The following NRDC variants were observed in gnomAD, a reference collection of about 807,000 sequenced individuals.
The protein encoded by NRDC is nardilysin convertase.
In NRDC, 54 loss-of-function variants were observed where a neutral mutation model predicts 147.1. That is an observed-to-expected ratio of 0.37 (90% confidence interval 0.29 to 0.46). The LOEUF (loss-of-function observed/expected upper bound fraction) is 0.46, where lower values mean the gene tolerates loss of function less well. Among genes scored for constraint, NRDC ranks in the 20% least tolerant of loss-of-function variants. The probability of loss-of-function intolerance (pLI) is 1.00; values close to 1 mark genes in which losing one functional copy is unlikely to be tolerated. For synonymous variants in NRDC, 440 were observed against 482.1 expected, an observed-to-expected ratio of 0.91 and a Z score of 1.14; for missense variants, 1,082 against 1,370.6, an observed-to-expected ratio of 0.79 and a Z score of 3.33.
In NRDC at chr1:51,858,695, C is replaced by T. The variant is rs553655220; in HGVS notation, c.342-18181G>A. Among the ~76,000 whole-genome samples the T allele has an allele frequency of 8.5e-5, 13 of 152,108 alleles. No homozygotes were observed. The East Asian group carries it at 2.5e-3, about 29-fold the overall frequency. ...AAGCACAGAGTACTGTTTTCTTTGC[C>T]CTATTCCTCAATGGGCTCCATCTAC... is the stretch of plus-strand genomic sequence containing the variant. On this transcript the variant is annotated intron_variant, in intron 1 of 30. Coordinates refer to ENST00000352171, the MANE Select transcript of NRDC (RefSeq NM_001101662.2).
rs750689908 is a variant in NRDC, at chr1:51,806,893, C to T, written c.2011G>A (p.Ala671Thr). The change falls in exon 18 of 31, where the codon GCT becomes ACT. Residue 671 changes from alanine to threonine, a missense_variant. Ala to Thr is a moderately conservative substitution (Grantham distance 58). Around this residue, in one of 3 missense-constraint regions of NRDC, gnomAD observed 635 missense variants for 923.8 expected, o/e 0.69. Coordinates refer to ENST00000352171, the MANE Select transcript of NRDC (RefSeq NM_001101662.2). ...KYIATDFTLK[A>T]FDCPETEYPV... ...TATTCTGTTTCCGGGCAATCGAAAG[C>T]CTTCAACGTAAAGTCCGTGGCTAAT... 6.2e-7 allele frequency: 1 copy of T among 1,613,700 alleles called. No individual in the cohort carries two copies.
rs1680207021 is a variant in NRDC at position 51,821,551 on chromosome 1, T to C, written c.1164A>G (p.Thr388=). The C allele has an allele frequency of 6.2e-7, 1 of 1,606,502 alleles. No homozygotes were observed. The highest frequency in any genetic ancestry group is 1.3e-5 in the African/African-American group (1 of 74,766). ...YMTLVVQSKE[T]LDTLEKWVTE... ...TCACCCACTTTTCCAAAGTATCCAG[T>C]GTTTCTTGAGAGGGGAGGGCAGGGA... The change falls in exon 8 of 31, where the codon ACA becomes ACG. Residue 388 remains threonine, a synonymous_variant. Coordinates refer to ENST00000352171, the MANE Select transcript of NRDC (RefSeq NM_001101662.2).
intron 1 of NRDC, among the ~76,000 whole-genome samples, chr1:51,864,693 T>C (rs1032097596): frequency 2.0e-5 from 3 of 152,106 alleles, no homozygotes; most frequent in African/African-American, 7.2e-5. Flanking sequence ...GGCTCACACC[T>C]ATAATCCCAG....
At chr1:51,816,233 G>C (rs369120725) in intron 11 of NRDC, 79 bp downstream of exon 11, 1 of 754,642 alleles carries the variant, frequency 1.3e-6, no homozygotes, top group Admixed American at 3.1e-5. Context: ...TAAAGTAAAA[G>C]AATGCATTAT....
At chr1:51,818,189 T>C (rs1680057529) in intron 9 of NRDC, 54 bp from the exon 10 acceptor site, 1 of 1,168,038 alleles carries the variant, frequency 8.6e-7, no homozygotes, top group African/African-American at 1.6e-5. Context: ...CTATGACTTT[T>C]ACTACAAGAA....
Position 51,814,795 on chromosome 1 carries a change from C to T in NRDC, c.1458G>A (p.Leu486=). Residue 486 remains leucine, a synonymous_variant, in exon 12 of 31, where the codon CTG becomes CTA. Transcript: ENST00000352171. ...FLRKKCWALA[L]FGGNGETGFE... is the part of the protein sequence containing the mutation. Reference sequence around the variant, plus strand: ...ATCCTGTCTCACCATTTCCACCAAACAGTGCAAGAGCCCAGCATCTACAGG... The same window carrying T: ...ATCCTGTCTCACCATTTCCACCAAATAGTGCAAGAGCCCAGCATCTACAGG... The T allele has an allele frequency of 6.2e-7, 1 of 1,606,306 alleles. No individual in the cohort carries two copies. Among genetic ancestry groups the T allele is most frequent in the South Asian group, 1.1e-5 (1 of 89,360 alleles).
At chr1:51,798,674 G>T in intron 21 of NRDC, 1 of 329,438 alleles carries the variant, frequency 3.0e-6, no homozygotes, top group South Asian at 5.3e-5. Context: ...TCACATAAAA[G>T]TAAAGCTGCC....
Position 51,827,884 on chromosome 1 carries a change from A to G in NRDC, c.867-15T>C. ...ACTGCGCCCATCTGAACAAAAAACA[A>G]AACTGGCATTTCCGTTTTTGTTCAC... is the stretch of plus-strand genomic sequence containing the variant. On this transcript the variant is annotated splice_polypyrimidine_tract_variant and intron_variant, in intron 4 of 30. Transcript: ENST00000352171. The G allele has an allele frequency of 6.2e-7, 1 of 1,611,726 alleles. No individual in the cohort carries two copies. Among genetic ancestry groups the G allele is most frequent in the Non-Finnish European group, 8.5e-7 (1 of 1,178,136 alleles).
chr1:51,869,898 G>A (rs1330462838), intron 1 of NRDC, among the ~76,000 whole-genome samples: 1 of 152,008 alleles, frequency 6.6e-6, no homozygotes, highest in African/African-American at 2.4e-5. Context: ...CTTTAAAACT[G>A]GCCAAAATAC....
intron 1 of NRDC, among the ~76,000 whole-genome samples, chr1:51,843,042 C>G (rs1288697945): frequency 1.1e-5 from 1 of 91,190 alleles, no homozygotes. Flanking sequence ...CCAGCCTGGG[C>G]AACAGAGCAA....
At chr1:51,868,219 G>A (rs904335765) in intron 1 of NRDC, among the ~76,000 whole-genome samples, 4 of 152,052 alleles carry the variant, frequency 2.6e-5, no homozygotes, top group Non-Finnish European at 4.4e-5. Flanking sequence ...ACAAAAATAT[G>A]AAATCGCTTG....
chr1:51,801,692 G>T (rs1571846387), intron 20 of NRDC, among the ~76,000 whole-genome samples: 1 of 152,234 alleles, frequency 6.6e-6, no homozygotes, highest in East Asian at 1.9e-4. Flanking sequence ...CAGAATAATA[G>T]AGATGATTGT....
intron 14 of NRDC, among the ~76,000 whole-genome samples, chr1:51,813,597 G>C (rs895405126): frequency 1.3e-5 from 2 of 152,144 alleles, no homozygotes. Flanking sequence ...TGCCCAGCCT[G>C]TGAGCCTATT....
intron 1 of NRDC, among the ~76,000 whole-genome samples, chr1:51,841,419 C>T (rs1681261328): frequency 6.6e-6 from 1 of 152,134 alleles, no homozygotes; most frequent in African/African-American, 2.4e-5. Context: ...GCAATCCTCC[C>T]ACCTCAGTCT....
chr1:51,870,814 GAC>G (rs1683048013), intron 1 of NRDC, among the ~76,000 whole-genome samples: 1 of 143,702 alleles, frequency 7.0e-6, no homozygotes, highest in Non-Finnish European at 1.6e-5. Context: ...TACTAATACT[GAC>G]AGTATTATTA....
At chr1:51,814,659 A>G (rs766347173) in intron 12 of NRDC, 34 bp downstream of exon 12, 1 of 1,606,168 alleles carries the variant, frequency 6.2e-7, no homozygotes. Context: ...ATATCTACGT[A>G]AAAGGAAAAA....
intron 19 of NRDC, 138 bp from the exon 20 acceptor site, chr1:51,804,102 C>CAG (rs1679339455): frequency 2.9e-6 from 2 of 695,872 alleles, no homozygotes; most frequent in Non-Finnish European, 4.5e-6. Flanking sequence ...GGTAATACAG[C>CAG]TTACTCAGGA....
In NRDC at chr1:51,843,766, T is replaced by C. The variant is rs1171028274; in HGVS notation, c.342-3252A>G. ...ATTTTCCAAGAATATGAACAATCTG[T>C]CCAGAAATAAATTCTAAGATGAATC... On this transcript the variant is annotated intron_variant, in intron 1 of 30. Transcript: ENST00000352171. 1.3e-5 allele frequency among the ~76,000 whole-genome samples: 2 copies of C among 151,854 alleles called. 1 individual carries two copies. Among genetic ancestry groups the C allele is most frequent in the East Asian group, 3.9e-4 (2 of 5,188 alleles).
chr1:51,817,694 A>AC (rs1680034429), intron 10 of NRDC, among the ~76,000 whole-genome samples: 1 of 152,190 alleles, frequency 6.6e-6, no homozygotes, highest in South Asian at 2.1e-4. Context: ...GGTGTGTGCC[A>AC]CCACGCCTTG....
Sources: allele counts gnomAD v4.1 joint callset (sites outside exome capture counted in the v4.1 genomes callset), GRCh38; gene constraint gnomAD v4.1.1; regional missense constraint gnomAD v4.1.1; transcripts MANE v1.5; gene names NCBI Gene and HGNC (gene_info 2026-07-23, HGNC 2026-07-21).